The following RGS6 variants were observed in gnomAD, a reference collection of about 807,000 sequenced individuals.
RGS6 encodes regulator of G-protein signaling 6.
In RGS6, 30 loss-of-function variants were observed where a neutral mutation model predicts 78.5. The observed-to-expected ratio is 0.38, with a 90% CI of 0.29 to 0.52. The LOEUF is 0.52. Among genes scored for constraint, RGS6 ranks in the 20% least tolerant of loss-of-function variants. The pLI, the probability that RGS6 is intolerant of heterozygous loss-of-function variation, is 0.85. For missense variants in RGS6, 495 were observed against 609.7 expected (o/e 0.81, Z 1.98); for synonymous variants, 206 against 206.0 (o/e 1.00, Z 0.00).
intron 2 of RGS6, among the ~76,000 whole-genome samples, chr14:72,095,323 TACTGTCAGAG>T: frequency 6.6e-6 from 1 of 152,256 alleles, no homozygotes; most frequent in South Asian, 2.1e-4. Context: ...AGATTGGCAA[TACTGTCAGAG>T]ACCCAGTTTC....
At chr14:72,094,138 C>T (rs938918287) in intron 2 of RGS6, among the ~76,000 whole-genome samples, 8 of 152,178 alleles carry the variant, frequency 5.3e-5, no homozygotes, top group African/African-American at 1.4e-4. Context: ...ATGCTACTCT[C>T]CTACTGAATT....
At chr14:72,139,478 C>A (rs1043407616) in intron 2 of RGS6, among the ~76,000 whole-genome samples, 1 of 152,078 alleles carries the variant, frequency 6.6e-6, no homozygotes, top group Non-Finnish European at 1.5e-5. Flanking sequence ...CCATATGAAT[C>A]GCTATTATTT....
intron 2 of RGS6, among the ~76,000 whole-genome samples, chr14:72,102,841 A>T (rs756042067): frequency 6.6e-6 from 1 of 152,186 alleles, no homozygotes; most frequent in Non-Finnish European, 1.5e-5. Context: ...ATCATTATAT[A>T]TATATTTTTT....
In RGS6 at chr14:72,537,696, A is replaced by G. The variant is rs868676928; in HGVS notation, c.1368+1421A>G. On this transcript the variant is annotated intron_variant, in intron 16 of 17. Transcript: ENST00000553525. ...TAGGAACTTTTGATAACTCCAGCCC[A>G]GATCTCATGGATGAAGGTCAAAGTA... The G allele has an allele frequency of 4.7e-5, 29 of 616,430 alleles. No homozygotes were observed. In the African/African-American group the frequency reaches 5.2e-4, roughly 11 times the overall value. 38.2% of individuals were successfully genotyped at this position (616,430 alleles called of 1,614,324 possible). A position where few individuals can be genotyped will look rare whatever the true frequency, so the allele number is the denominator to read the frequency against.
At chr14:72,126,327 C>A (rs772965690) in intron 2 of RGS6, among the ~76,000 whole-genome samples, 2 of 152,204 alleles carry the variant, frequency 1.3e-5, no homozygotes, top group Non-Finnish European at 2.9e-5. Flanking sequence ...GCTGTCTGGG[C>A]AGCTCTGTTA....
At chr14:72,283,551 CTT>C (rs2061949435) in intron 2 of RGS6, among the ~76,000 whole-genome samples, 3 of 152,220 alleles carry the variant, frequency 2.0e-5, no homozygotes, top group Non-Finnish European at 2.9e-5. Context: ...CTCACTCTCT[CTT>C]GTCTGCCACC....
At chr14:72,445,326 A>C (rs1169142288) in intron 3 of RGS6, among the ~76,000 whole-genome samples, 3 of 152,170 alleles carry the variant, frequency 2.0e-5, no homozygotes, top group African/African-American at 7.2e-5. Context: ...AGTAGCTGGG[A>C]CTACAGGCAC....
chr14:72,535,304 G>A lies in RGS6; in HGVS notation c.1279-882G>A, dbSNP rs540245294. The stretch of plus-strand genomic sequence containing the variant: ...GGGTGTTAGTTACATGTCCTGTGAT[G>A]TGGTTGCCAAGAACTCCTTCCAGGA... On this transcript the variant is annotated intron_variant, in intron 15 of 17. Coordinates refer to ENST00000553525, the MANE Select transcript of RGS6 (RefSeq NM_001204424.2). Among the ~76,000 whole-genome samples, 12 of 152,338 alleles carry A rather than the reference G, an allele frequency of 7.9e-5. No individual in the cohort carries two copies. In the South Asian group the frequency reaches 2.1e-3, roughly 26 times the overall value.
At chr14:72,387,488 G>T (rs768324499) in intron 3 of RGS6, among the ~76,000 whole-genome samples, 1 of 152,020 alleles carries the variant, frequency 6.6e-6, no homozygotes, top group East Asian at 1.9e-4. Context: ...GGCAGAGCTT[G>T]CAGTGAGCCG....
chr14:71,886,088 C>T, the RGS6 span, among the ~76,000 whole-genome samples: 1 of 151,922 alleles, frequency 6.6e-6, no homozygotes, highest in African/African-American at 2.4e-5. Context: ...GGAAATTGAT[C>T]ATATCATCCC....
At chr14:72,539,766 C>A (rs887981292) in intron 16 of RGS6, among the ~76,000 whole-genome samples, 3 of 152,198 alleles carry the variant, frequency 2.0e-5, no homozygotes, top group East Asian at 1.9e-4. Context: ...ATCCAAGCCC[C>A]GCAAGCACCA....
At chr14:72,532,968 T>G (rs1278607768) in intron 15 of RGS6, among the ~76,000 whole-genome samples, 1 of 152,242 alleles carries the variant, frequency 6.6e-6, no homozygotes, top group Non-Finnish European at 1.5e-5. Flanking sequence ...CTAAGATCAT[T>G]GATGAAGGTG....
rs115942917 is a variant in RGS6, at chr14:72,308,543, C to G, written c.85-43552C>G. On this transcript the variant is annotated intron_variant, in intron 2 of 17. Transcript: ENST00000553525. ...CTTTGACAAATCATCTAGTCATCCT[C>G]AGAACTCTGCCTTGCCCACAGCAAA... 3.2e-3 allele frequency among the ~76,000 whole-genome samples: 487 copies of G among 152,296 alleles called. 3 individuals carry two copies. The highest frequency in any genetic ancestry group is 0.01 in the African/African-American group (426 of 41,554).
chr14:71,999,027 T>G (rs779373620), intron 2 of RGS6, among the ~76,000 whole-genome samples: 13 of 152,168 alleles, frequency 8.5e-5, no homozygotes, highest in Non-Finnish European at 1.9e-4. Flanking sequence ...TGTGCCACAG[T>G]TCTCCAGCCT....
At chr14:72,409,422 T>G (rs2093217571) in intron 3 of RGS6, among the ~76,000 whole-genome samples, 4 of 152,210 alleles carry the variant, frequency 2.6e-5, no homozygotes, top group South Asian at 4.1e-4. Flanking sequence ...TAGTTTCATT[T>G]TACTGTTCAC....
At chr14:72,536,394 C>A in intron 16 of RGS6, 119 bp downstream of exon 16, 1 of 759,104 alleles carries the variant, frequency 1.3e-6, no homozygotes, top group Non-Finnish European at 2.3e-6. Context: ...TTTCTTCTTT[C>A]CCTTCTCTAT....
At chr14:72,436,761 A>G (rs1289647702) in intron 3 of RGS6, among the ~76,000 whole-genome samples, 11 of 152,242 alleles carry the variant, frequency 7.2e-5, no homozygotes, top group Admixed American at 7.2e-4. Context: ...AAGTAACCAA[A>G]CAATCAAAAC....
intron 2 of RGS6, among the ~76,000 whole-genome samples, chr14:72,269,153 T>G (rs552531142): frequency 1.3e-5 from 2 of 152,198 alleles, no homozygotes; most frequent in South Asian, 2.1e-4. Flanking sequence ...CCACCCACCT[T>G]GCTCCAAGCC....
chr14:72,587,976 G>A, the RGS6 span, among the ~76,000 whole-genome samples: 329 of 152,270 alleles, frequency 2.2e-3, no homozygotes, highest in Non-Finnish European at 3.6e-3. Context: ...AGATGTCTTG[G>A]GGAGGCTCCA....
Sources: allele counts gnomAD v4.1 joint callset (sites outside exome capture counted in the v4.1 genomes callset), GRCh38; gene constraint gnomAD v4.1.1; transcripts MANE v1.5; gene names NCBI Gene and HGNC (gene_info 2026-07-23, HGNC 2026-07-21).